Variants in ITIH5 observed in about 807,000 individuals in gnomAD.
ITIH5 encodes the protein inter-alpha-trypsin inhibitor heavy chain H5.
A neutral mutation model predicts 77.5 loss-of-function variants in ITIH5; 65 were observed. The ratio of observed to expected loss-of-function variants is 0.84; its 90% CI spans 0.69 to 1.03. The LOEUF is 1.03. Ranked by LOEUF, ITIH5 falls within the 50% of genes least tolerant of loss-of-function variation. ITIH5 has a pLI of 0.00. For synonymous variants in ITIH5, 525 were observed against 494.3 expected (o/e 1.06, Z -0.82); for missense variants, 1,208 against 1,213.1 (o/e 1.00, Z 0.06).
chr10:7,611,442 G>C (rs1340400160), intron 7 of ITIH5, among the ~76,000 whole-genome samples: 1 of 152,136 alleles, frequency 6.6e-6, no homozygotes, highest in African/African-American at 2.4e-5. Context: ...TTTTTCTGAG[G>C]GTTATTTGGC....
intron 9 of ITIH5, 55 bp from the exon 10 acceptor site, chr10:7,577,067 C>T (rs530553586): frequency 6.0e-4 from 885 of 1,478,560 alleles, no homozygotes; most frequent in Non-Finnish European, 7.9e-4. Flanking sequence ...TGACAGCAGG[C>T]AGGACAGTCC....
At position 7,644,071 on chromosome 10, in the gene ITIH5, T is replaced by A. The variant is rs146686755; in HGVS notation, c.136-1981A>T. On this transcript the variant is annotated intron_variant, in intron 2 of 13. Coordinates refer to ENST00000397146, the MANE Select transcript of ITIH5 (RefSeq NM_030569.7). ...GTCTGGCCAACATGGTGAAACCCCG[T>A]CTTTACTAGAAATACAATTAACTGC... Among the ~76,000 whole-genome samples the A allele has an allele frequency of 9.4e-3, 1,426 of 152,146 alleles. 13 individuals carry two copies. The highest frequency in any genetic ancestry group is 0.082 in the Middle Eastern group (24 of 294).
In ITIH5 at chr10:7,576,586, G is replaced by C; in HGVS notation, c.1845C>G (p.Leu615=). The change falls in exon 10 of 14, where the codon CTC becomes CTG. Residue 615 remains leucine (L), a synonymous_variant. Transcript: ENST00000397146. ...TCAGCTTCATGGAGGTGAAGGGAGT[G>C]AGGAAGCGGTAGCTCACAGCCAGGG... ...AQALAVSYRF[L]TPFTSMKLRG... is the part of the protein sequence containing the mutation. 6.2e-7 allele frequency: 1 copy of C among 1,614,044 alleles called. No individual in the cohort carries two copies.
intron 5 of ITIH5, among the ~76,000 whole-genome samples, chr10:7,628,374 CAT>C (rs1347354742): frequency 6.6e-6 from 1 of 152,238 alleles, no homozygotes; most frequent in Admixed American, 6.5e-5. Flanking sequence ...GAATCATACA[CAT>C]GTGACCTTTT....
At chr10:7,659,995 A>C (rs1417742851) in intron 1 of ITIH5, among the ~76,000 whole-genome samples, 2 of 152,164 alleles carry the variant, frequency 1.3e-5, no homozygotes, top group African/African-American at 4.8e-5. Flanking sequence ...AAACTACCAT[A>C]AATAGCCATC....
intron 11 of ITIH5, chr10:7,572,177 C>T (rs1410767197): frequency 3.3e-6 from 4 of 1,195,964 alleles, no homozygotes; most frequent in Non-Finnish European, 3.2e-6. Context: ...TCTATATCCA[C>T]AGCTCATCTC....
chr10:7,597,044 CA>C (rs71383924), intron 7 of ITIH5, among the ~76,000 whole-genome samples: 1,342 of 36,924 alleles, frequency 0.036, 31 homozygotes, highest in African/African-American at 0.082. Flanking sequence ...GTCTCCAACT[CA>C]AAAAAAAAAA....
At chr10:7,592,403 A>G (rs1467395755) in intron 7 of ITIH5, among the ~76,000 whole-genome samples, 1 of 151,976 alleles carries the variant, frequency 6.6e-6, no homozygotes, top group Non-Finnish European at 1.5e-5. Context: ...CTGCTGTATT[A>G]TTAAACAAAT....
At chr10:7,648,025 C>T (rs1325905717) in intron 2 of ITIH5, among the ~76,000 whole-genome samples, 2 of 151,230 alleles carry the variant, frequency 1.3e-5, no homozygotes, top group Admixed American at 6.6e-5. Flanking sequence ...AGGTGGATCA[C>T]GAAGTCAGGA....
intron 4 of ITIH5, among the ~76,000 whole-genome samples, chr10:7,638,112 G>A (rs1403108309): frequency 6.6e-6 from 1 of 152,194 alleles, no homozygotes; most frequent in Admixed American, 6.5e-5. Context: ...GGGGTGTTCA[G>A]TAGAGCAAGA....
At chr10:7,650,427 T>G (rs1834078824) in intron 2 of ITIH5, among the ~76,000 whole-genome samples, 1 of 152,174 alleles carries the variant, frequency 6.6e-6, no homozygotes, top group Non-Finnish European at 1.5e-5. Flanking sequence ...CCCTTAATGC[T>G]TCTCCTTTCT....
intron 7 of ITIH5, among the ~76,000 whole-genome samples, chr10:7,599,431 C>T (rs555933132): frequency 6.4e-4 from 97 of 152,286 alleles, no homozygotes; most frequent in Non-Finnish European, 1.2e-3. Flanking sequence ...TGTTCTGACA[C>T]GCTAACTGAT....
At position 7,559,843 on chromosome 10, in the gene ITIH5, C is replaced by CT. The variant is rs1234306890; in HGVS notation, c.*3239dup. 3.8e-5 allele frequency: 17 copies of CT among 448,668 alleles called. No homozygotes were observed. The highest frequency in any genetic ancestry group is 7.2e-5 in the Admixed American group (3 of 41,926). The allele number at this position is 448,668 out of a possible 1,614,324, so 27.8% of individuals were successfully genotyped here. On this transcript the variant is annotated 3_prime_UTR_variant, in exon 14 of 14. Coordinates refer to ENST00000397146, the MANE Select transcript of ITIH5 (RefSeq NM_030569.7). ...AGGAAAAACACCATCTCTCCCATGT[C>CT]TTTTTTTTGTTTTGTTTTGTTTTTT...
At chr10:7,662,745 C>T (rs912391457) in intron 1 of ITIH5, among the ~76,000 whole-genome samples, 1 of 152,174 alleles carries the variant, frequency 6.6e-6, no homozygotes, top group African/African-American at 2.4e-5. Context: ...CCTGGAATTT[C>T]TCCCACAGCA....
intron 7 of ITIH5, among the ~76,000 whole-genome samples, chr10:7,599,655 T>C (rs574223823): frequency 3.9e-4 from 59 of 152,272 alleles, no homozygotes; most frequent in South Asian, 1.5e-3. Flanking sequence ...CACCTCTCAT[T>C]ATAAATTCCC....
chr10:7,612,028 G>C (rs1394414358), intron 7 of ITIH5, among the ~76,000 whole-genome samples: 1 of 151,398 alleles, frequency 6.6e-6, no homozygotes, highest in African/African-American at 2.4e-5. Flanking sequence ...AATTGGCACA[G>C]ACTTTTTAGA....
At chr10:7,565,950 A>G in intron 13 of ITIH5, 80 bp downstream of exon 13, 1 of 1,519,998 alleles carries the variant, frequency 6.6e-7, no homozygotes, top group Non-Finnish European at 8.8e-7. Flanking sequence ...ATCAAACGAA[A>G]GGTGTTGGCA....
intron 13 of ITIH5, among the ~76,000 whole-genome samples, chr10:7,565,708 A>G (rs1832137302): frequency 6.7e-6 from 1 of 148,984 alleles, no homozygotes; most frequent in African/African-American, 2.4e-5. Context: ...CTGCATATAT[A>G]ATATATATTA....
At chr10:7,622,528 T>G (rs577061824) in intron 5 of ITIH5, 1 of 152,124 alleles carries the variant, frequency 6.6e-6, no homozygotes, top group Admixed American at 6.5e-5. Flanking sequence ...AGGCAACTTA[T>G]AAAGAAAAAA....
Sources: allele counts gnomAD v4.1 joint callset (sites outside exome capture counted in the v4.1 genomes callset), GRCh38; gene constraint gnomAD v4.1.1; transcripts MANE v1.5; gene names NCBI Gene and HGNC (gene_info 2026-07-23, HGNC 2026-07-21).